FBXL17: variants seen among roughly 807,000 people sequenced by gnomAD.
FBXL17 encodes the protein F-box/LRR-repeat protein 17.
Under a neutral mutation model 66.2 loss-of-function variants are expected in FBXL17, and 22 were observed. The observed-to-expected ratio is 0.33, with a 90% CI of 0.24 to 0.47. FBXL17 has a LOEUF of 0.47. Ranked by LOEUF, FBXL17 falls within the 20% of genes least tolerant of loss-of-function variation. The pLI is 1.00. For synonymous variants in FBXL17, 474 were observed against 400.5 expected, an observed-to-expected ratio of 1.18 and a Z score of -2.19; for missense variants, 878 against 948.2, an observed-to-expected ratio of 0.93 and a Z score of 0.97.
chr5:108,285,449 A>G (rs1208271013), intron 4 of FBXL17, among the ~76,000 whole-genome samples: 1 of 151,872 alleles, frequency 6.6e-6, no homozygotes, highest in African/African-American at 2.4e-5. Flanking sequence ...TTCTTAAACA[A>G]TAAGAGTTGA....
intron 7 of FBXL17, among the ~76,000 whole-genome samples, chr5:108,013,303 A>T (rs1754254000): frequency 6.6e-6 from 1 of 152,220 alleles, no homozygotes; most frequent in Admixed American, 6.5e-5. Context: ...CTTACCCTGA[A>T]TTTTCAACTA....
chr5:108,175,919 T>C (rs2150021404), intron 6 of FBXL17, among the ~76,000 whole-genome samples: 1 of 152,248 alleles, frequency 6.6e-6, no homozygotes, highest in African/African-American at 2.4e-5. Context: ...TACAAGAAAA[T>C]TGTCAGATTT....
chr5:107,988,991 CTTTT>C lies in FBXL17; in HGVS notation c.1822+31930_1822+31933del, dbSNP rs953691348. Among the ~76,000 whole-genome samples the C allele has an allele frequency of 3.3e-5, 5 of 151,768 alleles. No homozygotes were observed. The East Asian group carries it at 9.6e-4, about 29-fold the overall frequency. ...TTGCCCATGGGGATGTCTTCATTTT[CTTTT>C]TTTCTCTTTTTATTGATAGATAATA... On this transcript the variant is annotated intron_variant, in intron 7 of 8. Coordinates refer to ENST00000542267, the MANE Select transcript of FBXL17 (RefSeq NM_001163315.3).
chr5:108,361,560 A>G (rs1221327561), intron 3 of FBXL17, among the ~76,000 whole-genome samples: 1 of 152,058 alleles, frequency 6.6e-6, no homozygotes, highest in Non-Finnish European at 1.5e-5. Flanking sequence ...ATTCCCTTCT[A>G]TACACTGAGG....
At chr5:108,224,971 T>G (rs1463200625) in intron 4 of FBXL17, among the ~76,000 whole-genome samples, 2 of 152,064 alleles carry the variant, frequency 1.3e-5, no homozygotes, top group African/African-American at 2.4e-5. Flanking sequence ...TACCATAAAA[T>G]TCACCCTTTC....
At chr5:108,172,836 T>A (rs999729130) in intron 6 of FBXL17, among the ~76,000 whole-genome samples, 10 of 152,196 alleles carry the variant, frequency 6.6e-5, no homozygotes, top group African/African-American at 1.9e-4. Context: ...GTTTAGCTCT[T>A]GTTGCCCAGG....
chr5:107,940,114 A>G (rs1262026881), intron 7 of FBXL17, among the ~76,000 whole-genome samples: 1 of 152,162 alleles, frequency 6.6e-6, no homozygotes, highest in Non-Finnish European at 1.5e-5. Flanking sequence ...TGAAATTGAC[A>G]CTAGAAACAT....
chr5:107,983,174 A>T (rs1752887909), intron 7 of FBXL17, among the ~76,000 whole-genome samples: 1 of 151,970 alleles, frequency 6.6e-6, no homozygotes, highest in South Asian at 2.1e-4. Flanking sequence ...TTTCCTCCAA[A>T]TGAAACCTGA....
chr5:108,330,532 CAA>C (rs1435706223), intron 4 of FBXL17, among the ~76,000 whole-genome samples: 2 of 151,974 alleles, frequency 1.3e-5, no homozygotes, highest in East Asian at 3.9e-4. Flanking sequence ...GCAATCTCAC[CAA>C]GATATATTTT....
intron 4 of FBXL17, among the ~76,000 whole-genome samples, chr5:108,268,111 A>G (rs1300757761): frequency 6.6e-6 from 1 of 152,040 alleles, no homozygotes; most frequent in Non-Finnish European, 1.5e-5. Flanking sequence ...ATTAGAAAAC[A>G]TTAGGCAGCT....
intron 4 of FBXL17, among the ~76,000 whole-genome samples, chr5:108,244,946 T>C (rs1756026528): frequency 6.6e-6 from 1 of 152,168 alleles, no homozygotes; most frequent in Non-Finnish European, 1.5e-5. Flanking sequence ...TCTACTGTTG[T>C]TAAAGTCTCT....
At chr5:108,018,699 G>A (rs1407074872) in intron 7 of FBXL17, among the ~76,000 whole-genome samples, 1 of 151,990 alleles carries the variant, frequency 6.6e-6, no homozygotes. Flanking sequence ...AGAGCTGGAG[G>A]GACTGAGGTG....
At chr5:108,252,041 T>A (rs1459553252) in intron 4 of FBXL17, among the ~76,000 whole-genome samples, 1 of 152,090 alleles carries the variant, frequency 6.6e-6, no homozygotes, top group Non-Finnish European at 1.5e-5. Flanking sequence ...CATGATAAGA[T>A]CTGTATATGC....
At chr5:107,883,783 A>C (rs780164461) in intron 7 of FBXL17, among the ~76,000 whole-genome samples, 1 of 152,194 alleles carries the variant, frequency 6.6e-6, no homozygotes, top group African/African-American at 2.4e-5. Context: ...CAACTGTAAC[A>C]GAGGCACGCT....
chr5:108,379,382 CAA>C (rs1749682243), intron 1 of FBXL17, among the ~76,000 whole-genome samples: 2 of 152,194 alleles, frequency 1.3e-5, no homozygotes, highest in South Asian at 2.1e-4. Flanking sequence ...CCTCTGCACA[CAA>C]AGAGTAGGCA....
At chr5:107,980,664 A>ATATATATATATATATATTTTTTTTTTTT in intron 7 of FBXL17, among the ~76,000 whole-genome samples, 1 of 62,074 alleles carries the variant, frequency 1.6e-5, no homozygotes, top group Non-Finnish European at 2.7e-5. Flanking sequence ...ATATATATAT[A>ATATATATATATATATATTTTTTTTTTTT]TTTTTTTTTT....
intron 6 of FBXL17, among the ~76,000 whole-genome samples, chr5:108,043,685 A>G (rs1484554640): frequency 1.3e-5 from 2 of 152,140 alleles, no homozygotes; most frequent in Admixed American, 6.5e-5. Flanking sequence ...ACTGTTTTTT[A>G]AAATTGTTTA....
intron 6 of FBXL17, among the ~76,000 whole-genome samples, chr5:108,060,545 T>G (rs889062182): frequency 6.6e-6 from 1 of 152,154 alleles, no homozygotes; most frequent in Non-Finnish European, 1.5e-5. Context: ...TAGCCACTAG[T>G]CTCTTATTGT....
At chr5:108,298,873 T>C in intron 4 of FBXL17, 3 of 927,562 alleles carry the variant, frequency 3.2e-6, no homozygotes, top group Non-Finnish European at 3.9e-6. Context: ...ATTCTTGCAG[T>C]TTTTAAAATG....
Sources: gnomAD v4.1 joint callset for allele counts (sites outside exome capture counted in the v4.1 genomes callset) on GRCh38, gnomAD v4.1.1 for gene constraint, MANE v1.5 for transcripts, NCBI Gene and HGNC (gene_info 2026-07-23, HGNC 2026-07-21) for gene names.